The following SYNC variants were observed in gnomAD, a reference collection of about 807,000 sequenced individuals.
The protein encoded by SYNC is syncoilin.
Under a neutral mutation model 49.5 loss-of-function variants are expected in SYNC, and 38 were observed. The observed-to-expected ratio is 0.77, with a 90% CI of 0.59 to 1.01. The LOEUF (loss-of-function observed/expected upper bound fraction) is 1.01. Ranked by LOEUF, SYNC falls within the 50% of genes least tolerant of loss-of-function variation. The probability of loss-of-function intolerance (pLI) is 0.00; values close to 1 mark genes in which losing one functional copy is unlikely to be tolerated. For missense variants in SYNC, 579 were observed against 580.6 expected (o/e 1.00, Z 0.03); for synonymous variants, 201 against 230.8 (o/e 0.87, Z 1.17).
chr1:32,694,461 G>A (rs1650307288), intron 2 of SYNC, among the ~76,000 whole-genome samples: 1 of 151,872 alleles, frequency 6.6e-6, no homozygotes, highest in African/African-American at 2.4e-5. Context: ...AGACCATCCT[G>A]GTTAACAACA....
Position 32,702,632 on chromosome 1 carries a change from C to A in SYNC, c.29G>T (p.Gly10Val). 8.2e-7 allele frequency: 1 copy of A among 1,215,832 alleles called. No individual in the cohort carries two copies. Among genetic ancestry groups the A allele is most frequent in the South Asian group, 4.0e-5 (1 of 25,182 alleles). 75.3% of individuals were successfully genotyped at this position (1,215,832 alleles called of 1,614,324 possible). A position where few individuals can be genotyped will look rare whatever the true frequency, so the allele number is the denominator to read the frequency against. The part of the protein sequence containing the change: MASPEPRRG[G>V]DGAAQAARKT... ...CCTCGCGGCCTGGGCGGCGCCGTCC[C>A]CGCCGCGCCGGGGCTCCGGGCTGGC... Residue 10 changes from glycine to valine, a missense_variant, in exon 1 of 5, where the codon GGG becomes GTG. Transcript: ENST00000409190. This position sits in a 1 kb window ranked among gnomAD's most constrained non-coding sequence, Gnocchi z 6.2.
intron 2 of SYNC, among the ~76,000 whole-genome samples, chr1:32,687,348 C>T (rs544155978): frequency 7.3e-5 from 8 of 109,788 alleles, no homozygotes; most frequent in African/African-American, 1.1e-4. Context: ...GGGACAAGAG[C>T]GAGACTTCAT....
At chr1:32,699,922 C>T (rs1219182369) in intron 1 of SYNC, among the ~76,000 whole-genome samples, 1 of 151,814 alleles carries the variant, frequency 6.6e-6, no homozygotes, top group Non-Finnish European at 1.5e-5. Flanking sequence ...TTAGAAGAGA[C>T]AGGGTTTCAC....
intron 2 of SYNC, among the ~76,000 whole-genome samples, chr1:32,687,855 A>ATTATTATT (rs1553199389): frequency 1.0e-3 from 139 of 135,496 alleles, no homozygotes; most frequent in South Asian, 3.5e-3. Flanking sequence ...TATTATTATT[A>ATTATTATT]TTATTATTTT....
In SYNC at chr1:32,702,682, C is replaced by G. The variant is rs938982413; in HGVS notation, c.-22G>C. The G allele has an allele frequency of 8.6e-7, 1 of 1,168,724 alleles. No homozygotes were observed. 72.4% of individuals were successfully genotyped at this position (1,168,724 alleles called of 1,614,324 possible). A position where few individuals can be genotyped will look rare whatever the true frequency, so the allele number is the denominator to read the frequency against. ...CCATGGCTGCGCGACCCCGGGCTGGCGGCCGCGTTATTAATAGCCGGGCCC... is the reference window on the plus strand; with the variant it reads ...CCATGGCTGCGCGACCCCGGGCTGGGGGCCGCGTTATTAATAGCCGGGCCC... On this transcript the variant is annotated 5_prime_UTR_variant, in exon 1 of 5. Coordinates refer to ENST00000409190, the MANE Select transcript of SYNC (RefSeq NM_030786.3). This position sits in a 1 kb window ranked among gnomAD's most constrained non-coding sequence, Gnocchi z 6.2.
intron 1 of SYNC, among the ~76,000 whole-genome samples, chr1:32,701,154 ATCCGCACACC>A (rs1364196819): frequency 6.6e-6 from 1 of 152,102 alleles, no homozygotes; most frequent in South Asian, 2.1e-4. Context: ...ACCTCAGGTG[ATCCGCACACC>A]TCGGCGTCCC....
intron 2 of SYNC, among the ~76,000 whole-genome samples, chr1:32,690,318 A>G (rs1192410417): frequency 6.6e-6 from 1 of 152,208 alleles, no homozygotes; most frequent in Non-Finnish European, 1.5e-5. Context: ...TCTTCCTTAG[A>G]GTAGCTTTCT....
In SYNC at chr1:32,684,097, AAG is replaced by A. The variant is rs34250196; in HGVS notation, c.1359-10_1359-9del. ...TTGGGTAGTAGCATAGCCCTTTAAA[AAG>A]AGAGAGCCATTTTCCATGTGTTTTT... On this transcript the variant is annotated splice_polypyrimidine_tract_variant and intron_variant, in intron 3 of 4. Coordinates refer to ENST00000409190, the MANE Select transcript of SYNC (RefSeq NM_030786.3). 86,690 of 1,613,356 alleles carry A rather than the reference AAG, an allele frequency of 0.054. 4,938 individuals are homozygous for A. Among genetic ancestry groups the A allele is most frequent in the African/African-American group, 0.27 (19,925 of 74,872 alleles).
chr1:32,703,134 C>T (rs1184883236), upstream of SYNC: 3 of 152,124 alleles, frequency 2.0e-5, no homozygotes, highest in African/African-American at 7.2e-5. Context: ...CGCTCAGCGC[C>T]CTCTGGTCCC....
In SYNC at chr1:32,684,010, CT is replaced by C. The variant is rs780099667; in HGVS notation, c.1437del (p.Ala481LeufsTer10). The C allele has an allele frequency of 1.9e-6, 3 of 1,613,844 alleles. No individual in the cohort carries two copies. Among genetic ancestry groups the C allele is most frequent in the Non-Finnish European group, 1.7e-6 (2 of 1,179,766 alleles). On this transcript the variant is annotated frameshift_variant and splice_region_variant, in exon 4 of 5. Transcript: ENST00000409190. LOFTEE classifies it high-confidence loss of function. ...SQAGGMETQS[Q>X]GAV ...CCACTCTTCTCTTCACAAAGATCAC[CT>C]TGAGACTGTGTCTCCATTCCACCTG...
intron 1 of SYNC, among the ~76,000 whole-genome samples, 154 bp from the exon 2 acceptor site, chr1:32,696,198 C>A (rs1650419969): frequency 6.6e-6 from 1 of 152,250 alleles, no homozygotes; most frequent in East Asian, 1.9e-4. Context: ...CCCCTCCACA[C>A]ACCCAACCAC....
chr1:32,680,761 C>T lies in SYNC; in HGVS notation c.*1089G>A. 1 of 500,508 alleles carries T rather than the reference C, an allele frequency of 2.0e-6. No individual in the cohort carries two copies. The highest frequency in any genetic ancestry group is 3.9e-5 in the Admixed American group (1 of 25,570). The allele number at this position is 500,508 out of a possible 1,614,324, so 31.0% of individuals were successfully genotyped here. On this transcript the variant is annotated 3_prime_UTR_variant, in exon 5 of 5. Coordinates refer to ENST00000409190, the MANE Select transcript of SYNC (RefSeq NM_030786.3). ...GTTGTTGTCCATGGTCTTTGACTAT[C>T]AAGAGCAGAATTAAATGTAATAGTC...
intron 2 of SYNC, among the ~76,000 whole-genome samples, chr1:32,687,557 A>G (rs1364885472): frequency 6.8e-6 from 1 of 147,992 alleles, no homozygotes; most frequent in African/African-American, 2.5e-5. Context: ...TGTAGTCCCA[A>G]CTGCTCAGGA....
At chr1:32,697,569 T>C (rs988911784) in intron 1 of SYNC, among the ~76,000 whole-genome samples, 4 of 151,632 alleles carry the variant, frequency 2.6e-5, no homozygotes, top group African/African-American at 9.7e-5. Flanking sequence ...ACCCCATCTC[T>C]ACAAAAAAAT....
chr1:32,686,510 C>G (rs560325374), intron 2 of SYNC, among the ~76,000 whole-genome samples: 5 of 152,294 alleles, frequency 3.3e-5, no homozygotes, highest in African/African-American at 9.6e-5. Context: ...CATTCCCCAA[C>G]TCAGGAAAAG....
At position 32,694,965 on chromosome 1, in the gene SYNC, AG is replaced by A. The variant is rs1557875661; in HGVS notation, c.1132del (p.Leu378CysfsTer22). The A allele has an allele frequency of 6.2e-7, 1 of 1,613,950 alleles. No individual in the cohort carries two copies. The highest frequency in any genetic ancestry group is 1.7e-5 in the Admixed American group (1 of 59,990). ...IQEMKEALRP[L>X]QAEARQLRLQ... is the part of the protein sequence containing the mutation. Reference sequence around the variant, plus strand: ...GCGGAGCTGCCGGGCCTCTGCTTGCAGGGGTCTCAGAGCCTCCTTCATTTCC... The same window carrying A: ...GCGGAGCTGCCGGGCCTCTGCTTGCAGGGTCTCAGAGCCTCCTTCATTTCC... On this transcript the variant is annotated frameshift_variant, in exon 2 of 5. Coordinates refer to ENST00000409190, the MANE Select transcript of SYNC (RefSeq NM_030786.3). LOFTEE classifies it high-confidence loss of function.
chr1:32,695,770 C>T lies in SYNC; in HGVS notation c.328G>A (p.Glu110Lys), dbSNP rs570099275. 6.4e-7 allele frequency: 1 copy of T among 1,551,704 alleles called. No homozygotes were observed. The change falls in exon 2 of 5, where the codon GAG becomes AAG. Residue 110 changes from glutamate to lysine, a missense_variant. Glu to Lys is a moderately conservative substitution (Grantham distance 56, BLOSUM62 1). Transcript: ENST00000409190. Reference protein sequence around the residue: ...PGNPEETVCVEETTEPDRIQF... With the variant: ...PGNPEETVCVKETTEPDRIQF... ...ATCCGATCTGGCTCCGTGGTTTCCT[C>T]CACACACACTGTCTCCTCTGGATTC...
At chr1:32,693,285 A>G (rs1200857419) in intron 2 of SYNC, among the ~76,000 whole-genome samples, 3 of 151,994 alleles carry the variant, frequency 2.0e-5, no homozygotes, top group Non-Finnish European at 4.4e-5. Context: ...GTTTCACCAT[A>G]TTGGCTATAC....
chr1:32,702,497 G>C lies in SYNC; in HGVS notation c.53+111C>G, dbSNP rs116046091. Reference sequence around the variant, plus strand: ...CGGCTCCAGTGCCCCACCCCGGCTGGACCACTACCCCTAGACAGGCGAAAG... The same window carrying C: ...CGGCTCCAGTGCCCCACCCCGGCTGCACCACTACCCCTAGACAGGCGAAAG... On this transcript the variant is annotated intron_variant, in intron 1 of 4. Transcript: ENST00000409190. This position sits in a 1 kb window ranked among gnomAD's most constrained non-coding sequence, Gnocchi z 6.2. The C allele has an allele frequency of 0.015, 16,539 of 1,074,068 alleles. 1,888 individuals are homozygous for C. The African/African-American group carries it at 0.24, about 16-fold the overall frequency. The allele number at this position is 1,074,068 out of a possible 1,614,324, so 66.5% of individuals were successfully genotyped here.
Sources: allele counts gnomAD v4.1 joint callset (sites outside exome capture counted in the v4.1 genomes callset), GRCh38; gene constraint gnomAD v4.1.1; non-coding constraint Gnocchi (gnomAD v3.1); transcripts MANE v1.5; gene names NCBI Gene and HGNC (gene_info 2026-07-23, HGNC 2026-07-21).